The following RUNX1T1 variants were observed in gnomAD, a reference collection of about 807,000 sequenced individuals.
RUNX1T1 encodes the protein protein CBFA2T1.
A neutral mutation model predicts 62.8 loss-of-function variants in RUNX1T1; 4 were observed. The observed-to-expected ratio is 0.06, with a 90% CI of 0.03 to 0.15. RUNX1T1 has a LOEUF of 0.15. RUNX1T1 is among the 10% of genes least tolerant of loss of function. The pLI, the probability that RUNX1T1 is intolerant of heterozygous loss-of-function variation, is 1.00. For missense variants in RUNX1T1, 508 were observed against 754.3 expected, an observed-to-expected ratio of 0.67 and a Z score of 3.82; for synonymous variants, 291 against 286.0, an observed-to-expected ratio of 1.02 and a Z score of -0.18.
chr8:92,019,080 T>A (rs1261141165), intron 1 of RUNX1T1: 1 of 152,180 alleles, frequency 6.6e-6, no homozygotes, highest in Non-Finnish European at 1.5e-5. Context: ...TTAGGCAGGC[T>A]TAAAACCGCT....
chr8:92,056,647 A>T lies in RUNX1T1; in HGVS notation c.7+5899T>A, dbSNP rs184337241. Among the ~76,000 whole-genome samples, 11 of 152,188 alleles carry T rather than the reference A, an allele frequency of 7.2e-5. No individual in the cohort carries two copies. The East Asian group carries it at 2.1e-3, about 29-fold the overall frequency. On this transcript the variant is annotated intron_variant, in intron 1 of 10. Coordinates refer to ENST00000396218, the Ensembl canonical transcript of RUNX1T1. Reference sequence around the variant, plus strand: ...TTTGCAGGAGGTGGGGGATGGCAAAAAAAGATATCTGCTTTCTTAAGAATG... The same window carrying T: ...TTTGCAGGAGGTGGGGGATGGCAAATAAAGATATCTGCTTTCTTAAGAATG...
In RUNX1T1 at chr8:91,974,708, A is replaced by C. The variant is rs1813547858; in HGVS notation, c.1267+1197T>G. On this transcript the variant is annotated intron_variant, in intron 9 of 10. Coordinates refer to ENST00000396218, the Ensembl canonical transcript of RUNX1T1. ...ATCTGGTAAAACTACACAGTTCAGCAACATATGTATTTTAACCTTTAAGCT... is the reference window on the plus strand; with the variant it reads ...ATCTGGTAAAACTACACAGTTCAGCCACATATGTATTTTAACCTTTAAGCT... Among the ~76,000 whole-genome samples the C allele has an allele frequency of 2.6e-5, 4 of 152,188 alleles. No individual in the cohort carries two copies. In the South Asian group the frequency reaches 8.3e-4, roughly 31 times the overall value.
chr8:92,011,899 A>G (rs368325219), intron 3 of RUNX1T1, among the ~76,000 whole-genome samples: 1 of 152,224 alleles, frequency 6.6e-6, no homozygotes, highest in South Asian at 2.1e-4. Context: ...AAGCAATTAT[A>G]AAGGCATTGA....
At chr8:92,103,074 G>C, upstream of RUNX1T1, 1 of 474,594 alleles carries the variant, frequency 2.1e-6, no homozygotes, top group East Asian at 3.6e-5. Flanking sequence ...GCTGCGCAGA[G>C]AGAGCTGCCG....
chr8:91,976,547 G>A (rs1220386522), intron 8 of RUNX1T1, among the ~76,000 whole-genome samples: 2 of 152,164 alleles, frequency 1.3e-5, no homozygotes, highest in East Asian at 3.8e-4. Flanking sequence ...AGACTCATCA[G>A]AATGGATTCA....
At chr8:92,093,772 CTG>C in intron 1 of RUNX1T1, among the ~76,000 whole-genome samples, 1 of 152,314 alleles carries the variant, frequency 6.6e-6, no homozygotes, top group East Asian at 1.9e-4. Flanking sequence ...TGACCACTCA[CTG>C]TAAATAACTC....
At chr8:92,081,282 T>C in intron 1 of RUNX1T1, 1 of 967,786 alleles carries the variant, frequency 1.0e-6, no homozygotes, top group Non-Finnish European at 1.2e-6. Context: ...GCTCAGTTCT[T>C]ATCATTTGAT....
At chr8:92,054,425 C>G (rs7833370) in intron 1 of RUNX1T1, among the ~76,000 whole-genome samples, 33,817 of 152,052 alleles carry the variant, frequency 0.22, 3,911 homozygotes, top group African/African-American at 0.27. Context: ...TAACTCCAGA[C>G]AGCATCGCTG....
At chr8:92,032,595 A>G (rs929024490) in intron 1 of RUNX1T1, among the ~76,000 whole-genome samples, 2 of 152,176 alleles carry the variant, frequency 1.3e-5, no homozygotes, top group Admixed American at 1.3e-4. Flanking sequence ...TACGGGCAAC[A>G]ATGGATTGAT....
chr8:92,075,247 C>T (rs1834248304), intron 2 of RUNX1T1, among the ~76,000 whole-genome samples: 1 of 152,196 alleles, frequency 6.6e-6, no homozygotes, highest in Non-Finnish European at 1.5e-5. Context: ...GATCCTTATG[C>T]CCTGGTGCTT....
chr8:92,102,844 C>T, upstream of RUNX1T1: 1 of 1,514,256 alleles, frequency 6.6e-7, no homozygotes, highest in Non-Finnish European at 8.8e-7. This position sits in a 1 kb window ranked among gnomAD's most constrained non-coding sequence, Gnocchi z 4.5. Flanking sequence ...CAAGCCCTAC[C>T]GCGGACACTT....
intron 1 of RUNX1T1, among the ~76,000 whole-genome samples, chr8:92,041,653 A>G (rs1184965495): frequency 2.6e-5 from 4 of 152,110 alleles, no homozygotes; most frequent in African/African-American, 9.7e-5. Context: ...GAGGCAGAAG[A>G]ATCACTTGAA....
At chr8:92,095,071 G>A in intron 1 of RUNX1T1, 1 of 1,535,604 alleles carries the variant, frequency 6.5e-7, no homozygotes, top group East Asian at 2.4e-5. Flanking sequence ...GGGAGATAGC[G>A]TCAAGGCCAG....
intron 1 of RUNX1T1, among the ~76,000 whole-genome samples, chr8:92,022,432 T>C (rs1383577756): frequency 6.6e-6 from 1 of 152,170 alleles, no homozygotes; most frequent in Non-Finnish European, 1.5e-5. Context: ...AATTCATGTG[T>C]TGAAACTTAA....
At chr8:92,007,984 A>AAAAG (rs1237646043) in intron 4 of RUNX1T1, among the ~76,000 whole-genome samples, 36 of 150,404 alleles carry the variant, frequency 2.4e-4, no homozygotes, top group African/African-American at 8.7e-4. Context: ...AAAAAAAAAA[A>AAAAG]AAAGAAAGAA....
chr8:91,967,447 T>A (rs1045255370), intron 10 of RUNX1T1, among the ~76,000 whole-genome samples: 1 of 151,572 alleles, frequency 6.6e-6, no homozygotes, highest in African/African-American at 2.4e-5. Flanking sequence ...TTTCTGCTGG[T>A]CTCCCCAGTC....
chr8:91,989,200 C>T (rs769039609), intron 6 of RUNX1T1, among the ~76,000 whole-genome samples: 1 of 152,080 alleles, frequency 6.6e-6, no homozygotes, highest in African/African-American at 2.4e-5. Context: ...GAAGGATTCT[C>T]GTGAGTATAT....
intron 5 of RUNX1T1, among the ~76,000 whole-genome samples, chr8:91,997,185 T>C (rs1044856523): frequency 5.9e-5 from 9 of 152,156 alleles, no homozygotes; most frequent in African/African-American, 2.2e-4. Context: ...TTTAAGATGA[T>C]GATTAGCTAG....
At chr8:92,020,232 G>A (rs1288953655) in intron 1 of RUNX1T1, among the ~76,000 whole-genome samples, 3 of 152,088 alleles carry the variant, frequency 2.0e-5, no homozygotes, top group Non-Finnish European at 4.4e-5. Flanking sequence ...AGATAAATGC[G>A]GAAAATGTGT....
Sources: gnomAD v4.1 joint callset for allele counts (sites outside exome capture counted in the v4.1 genomes callset) on GRCh38, gnomAD v4.1.1 for gene constraint, Gnocchi (gnomAD v3.1) non-coding constraint, MANE v1.5 for transcripts, NCBI Gene and HGNC (gene_info 2026-07-23, HGNC 2026-07-21) for gene names.